The following MGAT4A variants were observed in gnomAD, a reference collection of about 807,000 sequenced individuals.
The protein encoded by MGAT4A is alpha-1,3-mannosyl-glycoprotein 4-beta-N-acetylglucosaminyltransferase A.
MGAT4A carries 33 observed loss-of-function variants against 74.1 expected under a neutral mutation model. The observed-to-expected ratio is 0.45, with a 90% CI of 0.34 to 0.60. The LOEUF (loss-of-function observed/expected upper bound fraction) is 0.60. MGAT4A is among the 20% of genes least tolerant of loss of function. The probability of loss-of-function intolerance (pLI) is 0.02; values close to 1 mark genes in which losing one functional copy is unlikely to be tolerated. For synonymous variants in MGAT4A, 198 were observed against 210.4 expected (o/e 0.94, Z 0.51); for missense variants, 479 against 628.3 (o/e 0.76, Z 2.54).
rs200548395 is a variant in MGAT4A, at chr2:98,643,996, T to C, written c.947A>G (p.Tyr316Cys). 3.1e-6 allele frequency: 5 copies of C among 1,604,714 alleles called. No homozygotes were observed. In the South Asian group the frequency reaches 5.5e-5, roughly 18 times the overall value. ...TLIVEFIFMF[Y>C]KEKPIDWLLD... The stretch of plus-strand genomic sequence containing the variant: ...GAGCCAATCAATGGGTTTCTCCTTG[T>C]AAAACATGAATATGAATTCTACAAT... Residue 316 changes from tyrosine (Y) to cysteine (C), a missense_variant, in exon 10 of 16, where the codon TAC (tyrosine) becomes TGC (cysteine). By Grantham distance (194) the Tyr-to-Cys change is radical. Around this residue, in one of 3 missense-constraint regions of MGAT4A, gnomAD observed 236 missense variants for 308.2 expected, o/e 0.77. Coordinates refer to ENST00000393487, the MANE Select transcript of MGAT4A (RefSeq NM_012214.3).
chr2:98,664,363 C>A (rs2104273023), intron 4 of MGAT4A, among the ~76,000 whole-genome samples: 1 of 152,150 alleles, frequency 6.6e-6, no homozygotes, highest in Non-Finnish European at 1.5e-5. Context: ...TGGGGCATAA[C>A]ACATGAATTT....
chr2:98,719,733 G>A (rs564699774), intron 2 of MGAT4A, among the ~76,000 whole-genome samples: 4 of 152,210 alleles, frequency 2.6e-5, no homozygotes, highest in Non-Finnish European at 5.9e-5. Context: ...TGCAACCTCC[G>A]CCTCCTGGGT....
In MGAT4A at chr2:98,622,582, T is replaced by G. The variant is rs1263812080; in HGVS notation, c.*2984A>C. The G allele has an allele frequency of 1.0e-6, 1 of 985,358 alleles. No homozygotes were observed. The highest frequency in any genetic ancestry group is 1.2e-6 in the Non-Finnish European group (1 of 829,980). The allele number at this position is 985,358 out of a possible 1,614,324, so 61.0% of individuals were successfully genotyped here. On this transcript the variant is annotated 3_prime_UTR_variant, in exon 16 of 16. Transcript: ENST00000393487. ...TTAATCTTCTGCCCTCACACTGCTCTTAAGGGCGACCACTACAATTTCCTG... is the reference window on the plus strand; with the variant it reads ...TTAATCTTCTGCCCTCACACTGCTCGTAAGGGCGACCACTACAATTTCCTG...
Position 98,621,893 on chromosome 2 carries a change from C to T in MGAT4A, c.*3673G>A, listed in dbSNP as rs1701066249. On this transcript the variant is annotated 3_prime_UTR_variant, in exon 16 of 16. Coordinates refer to ENST00000393487, the MANE Select transcript of MGAT4A (RefSeq NM_012214.3). ...GTGCAACCACTGATTTGAGAAGATA[C>T]ACACTTTGTTCAAGGGTATTCAACC... 1 of 1,003,572 alleles carries T rather than the reference C, an allele frequency of 1.0e-6. No individual in the cohort carries two copies. The highest frequency in any genetic ancestry group is 1.2e-6 in the Non-Finnish European group (1 of 841,370). The allele number at this position is 1,003,572 out of a possible 1,614,324, so 62.2% of individuals were successfully genotyped here. A position where few individuals can be genotyped will look rare whatever the true frequency, so the allele number is the denominator to read the frequency against.
rs77901270 is a variant in MGAT4A at position 98,688,515 on chromosome 2, A to G, written c.95-10044T>C. On this transcript the variant is annotated intron_variant, in intron 2 of 15. Coordinates refer to ENST00000393487, the MANE Select transcript of MGAT4A (RefSeq NM_012214.3). ...TACACAGGACTCCATCTCATATAAC[A>G]TCTATAGTGTATAGTATAATATATG... is the stretch of plus-strand genomic sequence containing the variant. Among the ~76,000 whole-genome samples the G allele has an allele frequency of 6.6e-5, 10 of 152,336 alleles. No individual in the cohort carries two copies. In the East Asian group the frequency reaches 1.9e-3, roughly 29 times the overall value.
At chr2:98,723,350 G>A (rs1371207339) in intron 2 of MGAT4A, among the ~76,000 whole-genome samples, 1 of 152,142 alleles carries the variant, frequency 6.6e-6, no homozygotes, top group Non-Finnish European at 1.5e-5. Context: ...CGGAAGACAC[G>A]TACCCCTGAA....
Position 98,625,410 on chromosome 2 carries a change from T to C in MGAT4A, c.*156A>G, listed in dbSNP as rs1347117068. 7 of 1,461,768 alleles carry C rather than the reference T, an allele frequency of 4.8e-6. No individual in the cohort carries two copies. Among genetic ancestry groups the C allele is most frequent in the South Asian group, 1.4e-5 (1 of 70,028 alleles). 90.5% of individuals were successfully genotyped at this position (1,461,768 alleles called of 1,614,324 possible). On this transcript the variant is annotated 3_prime_UTR_variant, in exon 16 of 16. Transcript: ENST00000393487. ...CTTAGTTTCAAACAAATACAATTAT[T>C]ATGGGAGATTCACTTTCCAAGTGGA... is the stretch of plus-strand genomic sequence containing the variant.
At chr2:98,630,496 G>A (rs1701214899) in intron 14 of MGAT4A, among the ~76,000 whole-genome samples, 1 of 152,032 alleles carries the variant, frequency 6.6e-6, no homozygotes, top group African/African-American at 2.4e-5. Context: ...GGGAGAAGGG[G>A]AAGAGAAGAG....
chr2:98,640,700 C>A (rs780177262), intron 10 of MGAT4A, among the ~76,000 whole-genome samples: 45 of 152,066 alleles, frequency 3.0e-4, no homozygotes, highest in Non-Finnish European at 5.4e-4. Context: ...GTCTTTGAGG[C>A]ACTAATAGAT....
At chr2:98,719,776 T>C (rs1702640441) in intron 2 of MGAT4A, among the ~76,000 whole-genome samples, 1 of 152,154 alleles carries the variant, frequency 6.6e-6, no homozygotes, top group African/African-American at 2.4e-5. Context: ...GCCTCCCCAG[T>C]AGCTGGGATT....
intron 4 of MGAT4A, among the ~76,000 whole-genome samples, chr2:98,668,648 C>A (rs752696410): frequency 1.3e-5 from 2 of 152,190 alleles, no homozygotes; most frequent in African/African-American, 2.4e-5. Flanking sequence ...GTCCTCCAGA[C>A]CCCAGAATGA....
In MGAT4A at chr2:98,621,877, C is replaced by T. The variant is rs905577153; in HGVS notation, c.*3689G>A. On this transcript the variant is annotated 3_prime_UTR_variant, in exon 16 of 16. Coordinates refer to ENST00000393487, the MANE Select transcript of MGAT4A (RefSeq NM_012214.3). ...TTCTAATTATTGACTAGTGCAACCA[C>T]TGATTTGAGAAGATACACACTTTGT... 1.2e-5 allele frequency: 12 copies of T among 1,003,936 alleles called. No homozygotes were observed. The African/African-American group carries it at 1.7e-4, about 15-fold the overall frequency. 62.2% of individuals were successfully genotyped at this position (1,003,936 alleles called of 1,614,324 possible).
At chr2:98,678,831 G>C (rs1702015559) in intron 2 of MGAT4A, among the ~76,000 whole-genome samples, 3 of 152,220 alleles carry the variant, frequency 2.0e-5, no homozygotes, top group Middle Eastern at 3.4e-3. Flanking sequence ...CAACTATAAA[G>C]ACCATATTCA....
chr2:98,713,432 T>A (rs1226565654), intron 2 of MGAT4A, among the ~76,000 whole-genome samples: 2 of 148,958 alleles, frequency 1.3e-5, no homozygotes, highest in East Asian at 3.9e-4. Flanking sequence ...ATAAAAAAAT[T>A]AAGGCTAAAT....
rs931848068 is a variant in MGAT4A, at chr2:98,624,597, C to T, written c.*969G>A. ...AACACCTAGAAAACATTTTGTCTGACGTCATAAAATGAGTGCAGATATAAA... is the reference window on the plus strand; with the variant it reads ...AACACCTAGAAAACATTTTGTCTGATGTCATAAAATGAGTGCAGATATAAA... On this transcript the variant is annotated 3_prime_UTR_variant, in exon 16 of 16. Coordinates refer to ENST00000393487, the MANE Select transcript of MGAT4A (RefSeq NM_012214.3). The T allele has an allele frequency of 2.1e-4, 204 of 984,590 alleles. No individual in the cohort carries two copies. The highest frequency in any genetic ancestry group is 2.4e-4 in the Non-Finnish European group (197 of 829,480). 61.0% of individuals were successfully genotyped at this position (984,590 alleles called of 1,614,324 possible).
At chr2:98,698,445 A>C (rs1702305553) in intron 2 of MGAT4A, among the ~76,000 whole-genome samples, 3 of 152,160 alleles carry the variant, frequency 2.0e-5, no homozygotes, top group Admixed American at 2.0e-4. Context: ...AAAATAAATA[A>C]ATATGCTCTG....
intron 2 of MGAT4A, among the ~76,000 whole-genome samples, chr2:98,700,816 G>A (rs918931370): frequency 2.6e-5 from 4 of 151,644 alleles, no homozygotes; most frequent in Non-Finnish European, 4.4e-5. Flanking sequence ...GCTTGAACCC[G>A]GGAGGCGGAG....
In MGAT4A at chr2:98,622,541, G is replaced by A. The variant is rs1427707735; in HGVS notation, c.*3025C>T. ...AGTATTTACCTTCTTCCAGTTCCAG[G>A]GACTCTTCCCCTCCCTTAATCTTCT... On this transcript the variant is annotated 3_prime_UTR_variant, in exon 16 of 16. Coordinates refer to ENST00000393487, the MANE Select transcript of MGAT4A (RefSeq NM_012214.3). The A allele has an allele frequency of 6.1e-6, 6 of 985,240 alleles. No individual in the cohort carries two copies. The African/African-American group carries it at 1.0e-4, about 17-fold the overall frequency. 61.0% of individuals were successfully genotyped at this position (985,240 alleles called of 1,614,324 possible).
chr2:98,661,003 C>G (rs1599828), intron 5 of MGAT4A, among the ~76,000 whole-genome samples: 2 of 152,016 alleles, frequency 1.3e-5, no homozygotes, highest in Non-Finnish European at 1.5e-5. Context: ...GAGAAAATAT[C>G]TGCATGCTGC....
Sources: gnomAD v4.1 joint callset for allele counts (sites outside exome capture counted in the v4.1 genomes callset) on GRCh38, gnomAD v4.1.1 for gene constraint, gnomAD v4.1.1 regional missense constraint, MANE v1.5 for transcripts, NCBI Gene and HGNC (gene_info 2026-07-23, HGNC 2026-07-21) for gene names.